The following GJB7 variants were observed in gnomAD, a reference collection of about 807,000 sequenced individuals.
The protein encoded by GJB7 is gap junction beta-7 protein.
For missense variants in GJB7, 253 were observed against 256.8 expected (o/e 0.99, Z 0.10); for synonymous variants, 87 against 95.2 (o/e 0.91, Z 0.50).
At chr6:87,304,955 G>T (rs1439060466) in intron 2 of GJB7, among the ~76,000 whole-genome samples, 1 of 152,086 alleles carries the variant, frequency 6.6e-6, no homozygotes, top group African/African-American at 2.4e-5. Flanking sequence ...TGCAGAAAAG[G>T]CCTTTGAGAA....
At chr6:87,302,584 A>C (rs888995314) in intron 2 of GJB7, among the ~76,000 whole-genome samples, 6 of 152,248 alleles carry the variant, frequency 3.9e-5, no homozygotes, top group African/African-American at 1.2e-4. Flanking sequence ...GGAGAATGGA[A>C]CCAAGTTGGA....
At chr6:87,315,820 AG>A (rs952442956) in intron 2 of GJB7, among the ~76,000 whole-genome samples, 3 of 151,582 alleles carry the variant, frequency 2.0e-5, no homozygotes, top group African/African-American at 7.3e-5. Context: ...AAAAAAAGAA[AG>A]AAAGAAAGAA....
At chr6:87,298,550 G>A (rs1348847565) in intron 2 of GJB7, among the ~76,000 whole-genome samples, 2 of 152,188 alleles carry the variant, frequency 1.3e-5, no homozygotes, top group Non-Finnish European at 2.9e-5. Flanking sequence ...CTTATCTGAT[G>A]AAGATGATAT....
intron 2 of GJB7, among the ~76,000 whole-genome samples, chr6:87,303,619 G>C (rs932313160): frequency 6.6e-6 from 1 of 152,142 alleles, no homozygotes; most frequent in East Asian, 1.9e-4. Flanking sequence ...AGATCAATGA[G>C]ACAGAAAATT....
At chr6:87,305,428 T>G (rs1776408892) in intron 2 of GJB7, among the ~76,000 whole-genome samples, 1 of 152,166 alleles carries the variant, frequency 6.6e-6, no homozygotes, top group Admixed American at 6.5e-5. Flanking sequence ...CATTCACAAT[T>G]GCCTCAAAGA....
chr6:87,327,229 A>T (rs1776847764), intron 1 of GJB7, among the ~76,000 whole-genome samples: 1 of 146,756 alleles, frequency 6.8e-6, no homozygotes, highest in Non-Finnish European at 1.5e-5. Context: ...CCAATTTGCC[A>T]GTCTGTGTCT....
intron 2 of GJB7, among the ~76,000 whole-genome samples, chr6:87,311,660 T>C (rs1249664124): frequency 6.6e-6 from 1 of 152,206 alleles, no homozygotes; most frequent in Non-Finnish European, 1.5e-5. Context: ...ATGAGTTTTA[T>C]GAAGAGCAAA....
In GJB7 at chr6:87,284,406, G is replaced by C. The variant is rs1776022265; in HGVS notation, c.507C>G (p.Phe169Leu). Residue 169 changes from phenylalanine (F) to leucine (L), a missense_variant, in exon 3 of 3, where the codon TTC becomes TTG. Transcript: ENST00000525899. ...LKPCPNTVDC[F>L]ISKPTEKTIF... Reference sequence around the variant, plus strand: ...TCGTCTTCTCAGTGGGTTTGGAGATGAAGCAGTCCACAGTGTTGGGACAAG... The same window carrying C: ...TCGTCTTCTCAGTGGGTTTGGAGATCAAGCAGTCCACAGTGTTGGGACAAG... 1 of 1,614,072 alleles carries C rather than the reference G, an allele frequency of 6.2e-7. No homozygotes were observed. The highest frequency in any genetic ancestry group is 1.7e-5 in the Admixed American group (1 of 60,004).
At chr6:87,298,647 T>A (rs1215159748) in intron 2 of GJB7, 1 of 158,442 alleles carries the variant, frequency 6.3e-6, no homozygotes, top group African/African-American at 2.4e-5. Context: ...TAGAAAGAAC[T>A]AACTTCTATA....
intron 2 of GJB7, among the ~76,000 whole-genome samples, chr6:87,291,633 G>A (rs1776175212): frequency 6.6e-6 from 1 of 152,172 alleles, no homozygotes; most frequent in South Asian, 2.1e-4. Flanking sequence ...AAGCTCTAGA[G>A]TCAACCACAC....
chr6:87,309,674 A>C (rs942144963), intron 2 of GJB7, among the ~76,000 whole-genome samples: 4 of 152,228 alleles, frequency 2.6e-5, no homozygotes, highest in African/African-American at 9.6e-5. Context: ...TGATCAGAGA[A>C]GAAAAAAGAA....
At chr6:87,286,043 T>C (rs1776053926) in intron 2 of GJB7, among the ~76,000 whole-genome samples, 1 of 152,190 alleles carries the variant, frequency 6.6e-6, no homozygotes, top group African/African-American at 2.4e-5. Flanking sequence ...CGCCTCCTGA[T>C]TCTTTCATCT....
chr6:87,308,352 G>C (rs985436842), intron 2 of GJB7, among the ~76,000 whole-genome samples: 1 of 152,116 alleles, frequency 6.6e-6, no homozygotes, highest in East Asian at 1.9e-4. Context: ...TTCTGCACGT[G>C]TACCCTAGAA....
Position 87,284,037 on chromosome 6 carries a change from T to A in GJB7, c.*204A>T. On this transcript the variant is annotated 3_prime_UTR_variant, in exon 3 of 3. Coordinates refer to ENST00000525899, the MANE Select transcript of GJB7 (RefSeq NM_198568.3). The stretch of plus-strand genomic sequence containing the variant: ...ATGTAAAAAAATTCCTCCCAAATGA[T>A]ACTAAGGCTGATGTGCTTTGTCTTC... 2 of 560,982 alleles carry A rather than the reference T, an allele frequency of 3.6e-6. No individual in the cohort carries two copies. Among genetic ancestry groups the A allele is most frequent in the Non-Finnish European group, 6.4e-6 (2 of 314,512 alleles). 34.8% of individuals were successfully genotyped at this position (560,982 alleles called of 1,614,324 possible). A position where few individuals can be genotyped will look rare whatever the true frequency, so the allele number is the denominator to read the frequency against.
At chr6:87,299,178 G>GAA (rs1376992468) in intron 2 of GJB7, 3 of 451,822 alleles carry the variant, frequency 6.6e-6, no homozygotes, top group Non-Finnish European at 1.3e-5. Context: ...GTGGAAATCA[G>GAA]AAGTGTGATG....
At chr6:87,303,653 C>T (rs1776373081) in intron 2 of GJB7, among the ~76,000 whole-genome samples, 1 of 152,194 alleles carries the variant, frequency 6.6e-6, no homozygotes, top group Non-Finnish European at 1.5e-5. Context: ...AGGAACTGAA[C>T]TCAGCTCTGC....
At chr6:87,318,903 G>C (rs2236048) in intron 2 of GJB7, among the ~76,000 whole-genome samples, 95,198 of 151,964 alleles carry the variant, frequency 0.63, 30,255 homozygotes, top group African/African-American at 0.7. Flanking sequence ...AAAAGACCTG[G>C]CTTTGACAAA....
At chr6:87,301,322 C>T (rs1024533943) in intron 2 of GJB7, among the ~76,000 whole-genome samples, 3 of 152,202 alleles carry the variant, frequency 2.0e-5, no homozygotes, top group African/African-American at 7.2e-5. Flanking sequence ...AATCGGGTCA[C>T]TCCCAGCCTA....
intron 2 of GJB7, among the ~76,000 whole-genome samples, chr6:87,321,531 G>A (rs1399108897): frequency 2.0e-5 from 3 of 152,190 alleles, no homozygotes; most frequent in African/African-American, 4.8e-5. Context: ...ATATCCAACC[G>A]CCCACCCCTT....
Sources: gnomAD v4.1 joint callset for allele counts (sites outside exome capture counted in the v4.1 genomes callset) on GRCh38, gnomAD v4.1.1 for gene constraint, MANE v1.5 for transcripts, NCBI Gene and HGNC (gene_info 2026-07-23, HGNC 2026-07-21) for gene names.